The following BAZ2B variants were observed in gnomAD, a reference collection of about 807,000 sequenced individuals.
BAZ2B encodes bromodomain adjacent to zinc finger domain protein 2B.
In BAZ2B, 91 loss-of-function variants were observed where a neutral mutation model predicts 246.0. That is an observed-to-expected ratio of 0.37 (90% confidence interval 0.31 to 0.44). The LOEUF is 0.44. Ranked by LOEUF, BAZ2B falls within the 20% of genes least tolerant of loss-of-function variation. The pLI is 1.00. For synonymous variants in BAZ2B, 855 were observed against 860.0 expected, an observed-to-expected ratio of 0.99 and a Z score of 0.10; for missense variants, 2,332 against 2,533.7, an observed-to-expected ratio of 0.92 and a Z score of 1.71.
intron 2 of BAZ2B, among the ~76,000 whole-genome samples, chr2:159,550,731 A>T (rs958526082): frequency 7.2e-5 from 11 of 152,376 alleles, no homozygotes; most frequent in South Asian, 2.1e-4. Context: ...ATAAAGTTAT[A>T]CAGCAATTCC....
intron 1 of BAZ2B, among the ~76,000 whole-genome samples, chr2:159,566,016 CTTT>C (rs888251450): frequency 6.6e-6 from 1 of 151,854 alleles, no homozygotes; most frequent in Non-Finnish European, 1.5e-5. Context: ...GCAATGTTGA[CTTT>C]TTTGTTTTTC....
intron 27 of BAZ2B, among the ~76,000 whole-genome samples, chr2:159,353,178 T>C (rs1467179280): frequency 6.6e-6 from 1 of 152,222 alleles, no homozygotes; most frequent in Non-Finnish European, 1.5e-5. Flanking sequence ...TTATTAATGT[T>C]TGACATAGCC....
At chr2:159,562,860 C>A (rs568311517) in intron 1 of BAZ2B, among the ~76,000 whole-genome samples, 15 of 152,054 alleles carry the variant, frequency 9.9e-5, no homozygotes, top group Non-Finnish European at 2.1e-4. Context: ...GATAATTTGA[C>A]CCTCGCAAGA....
chr2:159,357,892 A>G (rs963095067), intron 27 of BAZ2B, among the ~76,000 whole-genome samples: 2 of 152,180 alleles, frequency 1.3e-5, no homozygotes, highest in Non-Finnish European at 2.9e-5. Context: ...GAGAAATAAA[A>G]TCCCTTACAG....
chr2:159,668,622 G>C, the BAZ2B span, among the ~76,000 whole-genome samples: 2 of 152,028 alleles, frequency 1.3e-5, no homozygotes, highest in South Asian at 2.1e-4. Flanking sequence ...CATTGGTTTT[G>C]TCAGTTTTCT....
rs184779918 is a variant in BAZ2B, at chr2:159,400,681, G to A, written c.2833-17C>T. 2.0e-4 allele frequency: 258 copies of A among 1,305,288 alleles called. 1 individual carries two copies. The African/African-American group carries it at 3.4e-3, about 17-fold the overall frequency. 80.9% of individuals were successfully genotyped at this position (1,305,288 alleles called of 1,614,324 possible). On this transcript the variant is annotated splice_polypyrimidine_tract_variant and intron_variant, in intron 16 of 36. Coordinates refer to ENST00000392783, the MANE Select transcript of BAZ2B (RefSeq NM_013450.4). ...AATTTTTTCCTGTAGGAAAAGTTAT[G>A]ATAACTTGAGATAATAAAATAAACT...
intron 3 of BAZ2B, among the ~76,000 whole-genome samples, chr2:159,456,997 T>C (rs541674718): frequency 7.8e-4 from 119 of 152,208 alleles, no homozygotes; most frequent in Non-Finnish European, 1.3e-3. Context: ...TTTAAAAAAG[T>C]AATCTTTTTC....
At chr2:159,680,321 A>T in the BAZ2B span, among the ~76,000 whole-genome samples, 1 of 152,242 alleles carries the variant, frequency 6.6e-6, no homozygotes, top group East Asian at 1.9e-4. Flanking sequence ...TCTTGTGCTT[A>T]CTTGACAATA....
intron 13 of BAZ2B, among the ~76,000 whole-genome samples, chr2:159,422,833 G>A (rs1205162697): frequency 6.6e-6 from 1 of 151,968 alleles, no homozygotes; most frequent in African/African-American, 2.4e-5. Context: ...GCAATATCTA[G>A]ACTCTGTAAG....
At position 159,395,777 on chromosome 2, in the gene BAZ2B, T is replaced by C. The variant is rs2063930848; in HGVS notation, c.3067A>G (p.Lys1023Glu). Residue 1023 changes from lysine (K) to glutamate (E), a missense_variant, in exon 20 of 37, where the codon AAA becomes GAA. This residue lies in a region of BAZ2B where 328 missense variants were observed against 410.4 expected (regional missense o/e 0.80). Coordinates refer to ENST00000392783, the MANE Select transcript of BAZ2B (RefSeq NM_013450.4). Reference protein sequence around the residue: ...MLMKAMEARKKAEEKERLKQE... With the variant: ...MLMKAMEARKEAEEKERLKQE... Reference sequence around the variant, plus strand: ...TAGAAACATACACTTACTTCTGCTTTTTTACGAGCTTCCATAGCTTTCATA... The same window carrying C: ...TAGAAACATACACTTACTTCTGCTTCTTTACGAGCTTCCATAGCTTTCATA... 6.2e-7 allele frequency: 1 copy of C among 1,609,918 alleles called. No individual in the cohort carries two copies. The highest frequency in any genetic ancestry group is 8.5e-7 in the Non-Finnish European group (1 of 1,177,298).
At chr2:159,651,898 A>G in the BAZ2B span, among the ~76,000 whole-genome samples, 1 of 152,190 alleles carries the variant, frequency 6.6e-6, no homozygotes, top group African/African-American at 2.4e-5. Flanking sequence ...TCATTGCTGA[A>G]TAATATTTCA....
At chr2:159,491,298 G>C (rs1255173398) in intron 2 of BAZ2B, among the ~76,000 whole-genome samples, 2 of 152,146 alleles carry the variant, frequency 1.3e-5, no homozygotes, top group African/African-American at 4.8e-5. Flanking sequence ...TAAGTAATGT[G>C]CACTTCTGAT....
the BAZ2B span, among the ~76,000 whole-genome samples, chr2:159,646,841 T>C: frequency 1.3e-5 from 2 of 152,130 alleles, no homozygotes; most frequent in African/African-American, 2.4e-5. Flanking sequence ...ATAACAAGGA[T>C]TGCCACCTGT....
intron 1 of BAZ2B, among the ~76,000 whole-genome samples, chr2:159,580,894 C>T (rs1426933522): frequency 3.3e-5 from 5 of 152,026 alleles, no homozygotes; most frequent in Non-Finnish European, 4.4e-5. Flanking sequence ...ATCCCTTCCT[C>T]ACACCTTATA....
intron 3 of BAZ2B, chr2:159,463,671 A>AAAAG (rs2076684020): frequency 6.6e-6 from 1 of 151,698 alleles, no homozygotes; most frequent in Admixed American, 6.6e-5. Context: ...GGCCACTTAT[A>AAAAG]TGTTTCTTGA....
the BAZ2B span, among the ~76,000 whole-genome samples, chr2:159,674,336 G>GAAAA: frequency 3.3e-5 from 4 of 123,006 alleles, no homozygotes; most frequent in Admixed American, 8.6e-5. Flanking sequence ...CTCTGTCTCA[G>GAAAA]AAAAAAAAAA....
At chr2:159,399,385 A>G (rs994652615) in intron 17 of BAZ2B, among the ~76,000 whole-genome samples, 1 of 152,062 alleles carries the variant, frequency 6.6e-6, no homozygotes, top group Non-Finnish European at 1.5e-5. Flanking sequence ...AAAATTTGAG[A>G]TAAAGAAATT....
intron 1 of BAZ2B, among the ~76,000 whole-genome samples, chr2:159,595,392 C>G (rs1193829142): frequency 1.3e-5 from 2 of 152,106 alleles, no homozygotes; most frequent in African/African-American, 4.8e-5. Flanking sequence ...TAAACATACA[C>G]TTTTGTTTCT....
At chr2:159,437,635 G>C (rs2072624177) in intron 8 of BAZ2B, 1 of 152,204 alleles carries the variant, frequency 6.6e-6, no homozygotes, top group African/African-American at 2.4e-5. Context: ...GAATATATTT[G>C]GCCGGATGTA....
Sources: gnomAD v4.1 joint callset for allele counts (sites outside exome capture counted in the v4.1 genomes callset) on GRCh38, gnomAD v4.1.1 for gene constraint, gnomAD v4.1.1 regional missense constraint, MANE v1.5 for transcripts, NCBI Gene and HGNC (gene_info 2026-07-23, HGNC 2026-07-21) for gene names.